NUCB2: variants seen among roughly 807,000 people sequenced by gnomAD.
NUCB2 encodes nucleobindin-2.
In NUCB2, 48 loss-of-function variants were observed where a neutral mutation model predicts 57.9. The ratio of observed to expected loss-of-function variants is 0.83; its 90% CI spans 0.66 to 1.05. NUCB2 has a LOEUF of 1.05. Ranked by LOEUF, NUCB2 falls within the 50% of genes least tolerant of loss-of-function variation. The pLI, the probability that NUCB2 is intolerant of heterozygous loss-of-function variation, is 0.00. For synonymous variants in NUCB2, 139 were observed against 152.1 expected, an observed-to-expected ratio of 0.91 and a Z score of 0.64; for missense variants, 442 against 476.2, an observed-to-expected ratio of 0.93 and a Z score of 0.67.
intron 10 of NUCB2, among the ~76,000 whole-genome samples, chr11:17,312,403 A>G (rs1948621319): frequency 1.4e-5 from 2 of 142,910 alleles, no homozygotes; most frequent in South Asian, 4.4e-4. Flanking sequence ...TGCCTACCTA[A>G]TATTTTTTTT....
chr11:17,327,080 A>G (rs1950781284), intron 11 of NUCB2, among the ~76,000 whole-genome samples: 1 of 152,074 alleles, frequency 6.6e-6, no homozygotes, highest in South Asian at 2.1e-4. Context: ...CTGCCACCTG[A>G]GACAGAGTCT....
intron 2 of NUCB2, among the ~76,000 whole-genome samples, chr11:17,339,057 G>A (rs1952033311): frequency 6.6e-6 from 1 of 151,964 alleles, no homozygotes. Context: ...GCGCAATCTT[G>A]CCTCACTGCA....
chr11:17,306,095 T>C (rs1475486039), intron 5 of NUCB2, among the ~76,000 whole-genome samples: 1 of 152,190 alleles, frequency 6.6e-6, no homozygotes, highest in Admixed American at 6.5e-5. Context: ...GAATTTCCTG[T>C]ATTATCTTGG....
At chr11:17,279,091 G>A (rs1728679871) in intron 1 of NUCB2, among the ~76,000 whole-genome samples, 1 of 152,152 alleles carries the variant, frequency 6.6e-6, no homozygotes, top group African/African-American at 2.4e-5. Flanking sequence ...TACTCAGGAG[G>A]CTGGAGCAGG....
chr11:17,340,792 C>T (rs1335937251), intron 2 of NUCB2, among the ~76,000 whole-genome samples: 1 of 152,176 alleles, frequency 6.6e-6, no homozygotes, highest in African/African-American at 2.4e-5. Context: ...TTAGGATTGA[C>T]TTGGCAATGT....
At chr11:17,310,644 CA>C (rs71313427) in intron 6 of NUCB2, among the ~76,000 whole-genome samples, 180 bp from the exon 7 acceptor site, 5 of 147,216 alleles carry the variant, frequency 3.4e-5, no homozygotes, top group South Asian at 2.1e-4. Context: ...AACTCCGTCT[CA>C]AAAAAAAAGA....
intron 2 of NUCB2, among the ~76,000 whole-genome samples, chr11:17,342,104 G>A (rs1002333803): frequency 1.3e-5 from 2 of 152,112 alleles, no homozygotes; most frequent in Non-Finnish European, 2.9e-5. Flanking sequence ...TTATTTGCAT[G>A]GAGGTGTTCA....
At position 17,328,836 on chromosome 11, in the gene NUCB2, G is replaced by A. The variant is rs181507088; in HGVS notation, c.1003-1291G>A. On this transcript the variant is annotated intron_variant, in intron 11 of 13. Coordinates refer to ENST00000529010, the MANE Select transcript of NUCB2 (RefSeq NM_005013.4). ...GTACCTAGGGTGCAAGACAAAAATC[G>A]CCTTTACTTTCCCTCTGCTTTCCTC... 3.5e-4 allele frequency among the ~76,000 whole-genome samples: 53 copies of A among 152,180 alleles called. 1 individual carries two copies. Among genetic ancestry groups the A allele is most frequent in the Admixed American group, 2.6e-3 (39 of 15,292 alleles).
chr11:17,339,771 G>C (rs1028896177), intron 2 of NUCB2, among the ~76,000 whole-genome samples: 1 of 151,976 alleles, frequency 6.6e-6, no homozygotes, highest in Non-Finnish European at 1.5e-5. Flanking sequence ...ATTTGGGTTG[G>C]TTCCAAGTCT....
chr11:17,278,646 CAATT>C (rs1195192986), intron 1 of NUCB2: 2 of 152,142 alleles, frequency 1.3e-5, no homozygotes, highest in African/African-American at 4.8e-5. Context: ...ACAATTAAGA[CAATT>C]AAGGTACTTT....
At chr11:17,289,559 C>T (rs1944579208) in intron 2 of NUCB2, among the ~76,000 whole-genome samples, 1 of 152,186 alleles carries the variant, frequency 6.6e-6, no homozygotes, top group African/African-American at 2.4e-5. Flanking sequence ...TTATGTAGTG[C>T]TCTTCAACAT....
downstream of NUCB2, among the ~76,000 whole-genome samples, chr11:17,336,709 GC>G (rs1951831958): frequency 8.0e-6 from 1 of 125,440 alleles, no homozygotes; most frequent in Admixed American, 1.0e-4. Flanking sequence ...AGCCGAGATC[GC>G]GCCACTGCAC....
intron 11 of NUCB2, among the ~76,000 whole-genome samples, chr11:17,325,189 C>G (rs2139328125): frequency 6.6e-6 from 1 of 152,262 alleles, no homozygotes; most frequent in Admixed American, 6.5e-5. Flanking sequence ...TGTTAAGTAT[C>G]TATTAGATCC....
intron 5 of NUCB2, among the ~76,000 whole-genome samples, chr11:17,303,884 C>CAAAAA (rs1237614290): frequency 1.3e-4 from 7 of 54,626 alleles, no homozygotes; most frequent in Admixed American, 2.1e-4. Context: ...GACTCCATCT[C>CAAAAA]AAAAAAAAAA....
At chr11:17,349,058 G>A (rs1162910642) in intron 2 of NUCB2, among the ~76,000 whole-genome samples, 1 of 152,206 alleles carries the variant, frequency 6.6e-6, no homozygotes, top group African/African-American at 2.4e-5. Context: ...GGGATTACAG[G>A]TGTGAGCCAC....
chr11:17,311,849 C>T, intron 8 of NUCB2, 23 bp from the exon 9 acceptor site: 4 of 1,476,066 alleles, frequency 2.7e-6, no homozygotes, highest in Non-Finnish European at 1.9e-6. Flanking sequence ...TCTATTTTTG[C>T]ATTTGTAACT....
At chr11:17,301,975 C>T in intron 5 of NUCB2, 105 bp downstream of exon 5, 2 of 926,446 alleles carry the variant, frequency 2.2e-6, no homozygotes, top group Non-Finnish European at 1.6e-6. Context: ...TCACAGTTCA[C>T]TACAGCCTTG....
chr11:17,345,480 G>A (rs958700995), intron 2 of NUCB2, among the ~76,000 whole-genome samples: 3 of 152,126 alleles, frequency 2.0e-5, no homozygotes, highest in Admixed American at 1.3e-4. Context: ...AGGCCAAGGC[G>A]GGTGGATCAC....
chr11:17,304,580 TATG>T (rs568177179), intron 5 of NUCB2, among the ~76,000 whole-genome samples: 159 of 152,312 alleles, frequency 1.0e-3, no homozygotes, highest in African/African-American at 3.7e-3. Context: ...TCACAGATGA[TATG>T]ATGTTTATAT....
Sources: allele counts gnomAD v4.1 joint callset (sites outside exome capture counted in the v4.1 genomes callset), GRCh38; gene constraint gnomAD v4.1.1; transcripts MANE v1.5; gene names NCBI Gene and HGNC (gene_info 2026-07-23, HGNC 2026-07-21).